SLIT2: variants seen among roughly 807,000 people sequenced by gnomAD.
The protein encoded by SLIT2 is slit guidance ligand 2.
SLIT2 carries 41 observed loss-of-function variants against 185.7 expected under a neutral mutation model. The ratio of observed to expected loss-of-function variants is 0.22; its 90% CI spans 0.17 to 0.29. The LOEUF (loss-of-function observed/expected upper bound fraction) is 0.29. SLIT2 is among the 10% of genes least tolerant of loss of function. The pLI, the probability that SLIT2 is intolerant of heterozygous loss-of-function variation, is 1.00. For missense variants in SLIT2, 1,571 were observed against 1,909.0 expected, an observed-to-expected ratio of 0.82 and a Z score of 3.30; for synonymous variants, 693 against 680.2, an observed-to-expected ratio of 1.02 and a Z score of -0.29.
chr4:20,398,600 G>T (rs564238221), intron 4 of SLIT2, among the ~76,000 whole-genome samples: 1 of 151,552 alleles, frequency 6.6e-6, no homozygotes, highest in Non-Finnish European at 1.5e-5. Context: ...CACTTTCCTC[G>T]CTAGCTGCCA....
intron 4 of SLIT2, among the ~76,000 whole-genome samples, chr4:20,412,906 C>T (rs539569426): frequency 6.6e-6 from 1 of 152,078 alleles, no homozygotes; most frequent in South Asian, 2.1e-4. Context: ...TATTTCTGTA[C>T]TATCACTTTC....
intron 4 of SLIT2, among the ~76,000 whole-genome samples, chr4:20,284,034 G>A (rs1577366923): frequency 1.3e-5 from 2 of 152,166 alleles, no homozygotes; most frequent in East Asian, 3.9e-4. Flanking sequence ...AACAGTAGAT[G>A]TACAAGAAAT....
intron 4 of SLIT2, among the ~76,000 whole-genome samples, chr4:20,349,208 T>A (rs1721673009): frequency 1.3e-5 from 2 of 152,176 alleles, no homozygotes; most frequent in African/African-American, 4.8e-5. Flanking sequence ...TGCCTGAGAG[T>A]TGATTTATTC....
chr4:20,611,127 G>C (rs916544870), intron 34 of SLIT2, among the ~76,000 whole-genome samples: 1 of 152,186 alleles, frequency 6.6e-6, no homozygotes, highest in Non-Finnish European at 1.5e-5. Flanking sequence ...AGATAAATAA[G>C]TAAAAGCTTT....
Position 20,475,910 on chromosome 4 carries a change from T to A in SLIT2, c.468-4806T>A, listed in dbSNP as rs572900655. Among the ~76,000 whole-genome samples, 8 of 152,250 alleles carry A rather than the reference T, an allele frequency of 5.3e-5. No individual in the cohort carries two copies. In the South Asian group the frequency reaches 1.7e-3, roughly 32 times the overall value. On this transcript the variant is annotated intron_variant, in intron 5 of 36. Transcript: ENST00000504154. ...TACCATAGGCTACTCCTATAAAAAC[T>A]GAAATTCTTTATTCCTGTGAGAAAA...
chr4:20,273,059 A>G (rs577058298), intron 4 of SLIT2, among the ~76,000 whole-genome samples: 158 of 152,278 alleles, frequency 1.0e-3, no homozygotes, highest in African/African-American at 3.6e-3. Context: ...TTTGATAACT[A>G]TAATAATTGG....
At chr4:20,291,478 ATATATATATATATATTTTTTTTTTTTT>A (rs1428937296) in intron 4 of SLIT2, among the ~76,000 whole-genome samples, 20 of 15,958 alleles carry the variant, frequency 1.3e-3, no homozygotes, top group Non-Finnish European at 1.4e-3. Context: ...ATATATATAT[ATATATATATATATATTTTTTTTTTTTT>A]TTTTTTTTTT....
intron 5 of SLIT2, among the ~76,000 whole-genome samples, chr4:20,474,869 A>G (rs1316625004): frequency 6.6e-6 from 1 of 152,008 alleles, no homozygotes; most frequent in Non-Finnish European, 1.5e-5. Context: ...GTTGTTTTAA[A>G]GTACCTTTGT....
At chr4:20,430,586 G>T (rs554346918) in intron 4 of SLIT2, among the ~76,000 whole-genome samples, 2 of 152,256 alleles carry the variant, frequency 1.3e-5, no homozygotes, top group Admixed American at 1.3e-4. Flanking sequence ...TACTGTGAAT[G>T]AATAACCCTT....
intron 4 of SLIT2, among the ~76,000 whole-genome samples, chr4:20,366,125 T>A (rs1308283231): frequency 6.6e-6 from 1 of 152,142 alleles, no homozygotes; most frequent in Non-Finnish European, 1.5e-5. Context: ...CCTGTGCCTC[T>A]TGTCATTCTT....
intron 9 of SLIT2, among the ~76,000 whole-genome samples, chr4:20,509,242 C>A (rs1276422260): frequency 6.6e-6 from 1 of 151,408 alleles, no homozygotes; most frequent in Non-Finnish European, 1.5e-5. Context: ...GCTTTATTTT[C>A]CTATTGAAAG....
intron 4 of SLIT2, among the ~76,000 whole-genome samples, chr4:20,306,213 A>C (rs1717534938): frequency 6.6e-6 from 1 of 152,068 alleles, no homozygotes; most frequent in African/African-American, 2.4e-5. Flanking sequence ...GAGAAAGGGG[A>C]CTGGTCAGTG....
At position 20,260,777 on chromosome 4, in the gene SLIT2, G is replaced by A. The variant is rs184977921; in HGVS notation, c.323+2838G>A. On this transcript the variant is annotated intron_variant, in intron 3 of 36. Transcript: ENST00000504154. The stretch of plus-strand genomic sequence containing the variant: ...AAATCAAAACATTATAGCTATAAAA[G>A]ATAGTTTTCCCTTTCAAAGAGTGGA... Among the ~76,000 whole-genome samples the A allele has an allele frequency of 4.1e-3, 629 of 151,968 alleles. 10 individuals carry two copies. The highest frequency in any genetic ancestry group is 0.015 in the African/African-American group (612 of 41,524).
intron 4 of SLIT2, among the ~76,000 whole-genome samples, chr4:20,334,160 A>C (rs999722999): frequency 2.0e-5 from 3 of 152,170 alleles, no homozygotes; most frequent in Non-Finnish European, 2.9e-5. Flanking sequence ...AGAGAAATTA[A>C]ATACTGAGGG....
At chr4:20,434,897 A>G (rs1432924386) in intron 4 of SLIT2, among the ~76,000 whole-genome samples, 1 of 152,204 alleles carries the variant, frequency 6.6e-6, no homozygotes, top group Admixed American at 6.5e-5. Context: ...AAAATTGAGA[A>G]CATATGGCAT....
At chr4:20,385,597 C>A (rs188934996) in intron 4 of SLIT2, among the ~76,000 whole-genome samples, 19 of 152,064 alleles carry the variant, frequency 1.2e-4, no homozygotes, top group African/African-American at 4.6e-4. Context: ...TTTATTTCAT[C>A]GGTGAAATAA....
intron 29 of SLIT2, 52 bp from the exon 30 acceptor site, chr4:20,589,592 A>G: frequency 1.5e-6 from 2 of 1,322,982 alleles, no homozygotes; most frequent in Non-Finnish European, 2.2e-6. Context: ...GTCTGCTGGC[A>G]GGAAGCCTGT....
intron 26 of SLIT2, among the ~76,000 whole-genome samples, chr4:20,559,544 C>T (rs964119677): frequency 1.3e-5 from 2 of 151,876 alleles, no homozygotes; most frequent in African/African-American, 4.8e-5. Context: ...TGGATAGTTG[C>T]CAATACTACT....
chr4:20,308,823 C>T (rs1717814685), intron 4 of SLIT2, among the ~76,000 whole-genome samples: 1 of 152,062 alleles, frequency 6.6e-6, no homozygotes, highest in South Asian at 2.1e-4. Context: ...TACATATGTA[C>T]ATACAAACAA....
Sources: gnomAD v4.1 joint callset for allele counts (sites outside exome capture counted in the v4.1 genomes callset) on GRCh38, gnomAD v4.1.1 for gene constraint, MANE v1.5 for transcripts, NCBI Gene and HGNC (gene_info 2026-07-23, HGNC 2026-07-21) for gene names.